Variants in STX18 observed in about 807,000 individuals in gnomAD.
The protein encoded by STX18 is syntaxin 18, also known as syntaxin-18.
In STX18, 40 loss-of-function variants were observed where a neutral mutation model predicts 50.1. That is an observed-to-expected ratio of 0.80 (90% CI 0.62 to 1.04). The LOEUF (loss-of-function observed/expected upper bound fraction) is 1.04. Among genes scored for constraint, STX18 ranks in the 50% least tolerant of loss-of-function variants. STX18 has a pLI of 0.00. For missense variants in STX18, 410 were observed against 415.8 expected, an observed-to-expected ratio of 0.99 and a Z score of 0.12; for synonymous variants, 158 against 151.8, an observed-to-expected ratio of 1.04 and a Z score of -0.30.
chr4:4,420,651 T>G lies in STX18; in HGVS notation c.912+213A>C. ...CACCCTGGATTGCTCCTTTGGAGGC[T>G]GGTGAGCCACTGCCTCTCGAAAGCA... On this transcript the variant is annotated intron_variant, in intron 10 of 10. Coordinates refer to ENST00000306200, the MANE Select transcript of STX18 (RefSeq NM_016930.4). This position sits in a 1 kb window ranked among gnomAD's most constrained non-coding sequence, Gnocchi z 4.3. 1.8e-6 allele frequency: 1 copy of G among 568,852 alleles called. No homozygotes were observed. Among genetic ancestry groups the G allele is most frequent in the Non-Finnish European group, 3.1e-6 (1 of 320,850 alleles). 35.2% of individuals were successfully genotyped at this position (568,852 alleles called of 1,614,324 possible).
intron 1 of STX18, among the ~76,000 whole-genome samples, chr4:4,509,851 C>T (rs888951175): frequency 1.7e-4 from 26 of 151,878 alleles, no homozygotes; most frequent in African/African-American, 6.3e-4. Flanking sequence ...TATCTCCAGG[C>T]AAATACTTAG....
chr4:4,517,432 A>G (rs1310277049), intron 1 of STX18, among the ~76,000 whole-genome samples: 1 of 152,256 alleles, frequency 6.6e-6, no homozygotes, highest in South Asian at 2.1e-4. Context: ...GTTTTCACAC[A>G]GAAGGAAAAG....
At chr4:4,491,414 G>C (rs968979146) in intron 1 of STX18, among the ~76,000 whole-genome samples, 1 of 152,022 alleles carries the variant, frequency 6.6e-6, no homozygotes, top group Non-Finnish European at 1.5e-5. Flanking sequence ...TACTAACGTA[G>C]GAAAAAGGAT....
At chr4:4,458,046 G>A (rs1727174861) in intron 3 of STX18, among the ~76,000 whole-genome samples, 2 of 152,182 alleles carry the variant, frequency 1.3e-5, no homozygotes, top group Non-Finnish European at 2.9e-5. Flanking sequence ...GGCCTTACCA[G>A]ACCTAAAGTC....
At position 4,511,756 on chromosome 4, in the gene STX18, GTGTGTA is replaced by G. The variant is rs1375101459; in HGVS notation, c.168+30035_168+30040del. Among the ~76,000 whole-genome samples, 714 of 132,654 alleles carry G rather than the reference GTGTGTA, an allele frequency of 5.4e-3. 6 individuals carry two copies. Among genetic ancestry groups the G allele is most frequent in the African/African-American group, 0.018 (559 of 31,200 alleles). 87.0% of individuals were successfully genotyped at this position (132,654 alleles called of 152,430 possible). The stretch of plus-strand genomic sequence containing the variant: ...TGTGTGTGTGTGTGTGTGTGTGTGT[GTGTGTA>G]TGCCCCTAGGTTAAGGTCCTCTTAA... On this transcript the variant is annotated intron_variant, in intron 1 of 10. Transcript: ENST00000306200.
chr4:4,462,331 C>T (rs1191454389), intron 2 of STX18, among the ~76,000 whole-genome samples: 3 of 152,176 alleles, frequency 2.0e-5, no homozygotes, highest in Non-Finnish European at 4.4e-5. Context: ...TCATACCCAC[C>T]TAATTTAATC....
rs941705297 is a variant in STX18, at chr4:4,457,485, T to C, written c.368A>G (p.His123Arg). The change falls in exon 4 of 11, where the codon CAT becomes CGT. Residue 123 changes from histidine (H) to arginine (R), a missense_variant. Physicochemically the swap from His to Arg is conservative, Grantham distance 29. Transcript: ENST00000306200. ...CCTGTGCTCCTTCACTTGCTGGGAA[T>C]GTATCTCCTTGTGAGCTGTAACAGA... ...QLRTEAHKEI[H>R]SQQVKEHRTA... is the part of the protein sequence containing the mutation. 6.2e-7 allele frequency: 1 copy of C among 1,614,024 alleles called. No homozygotes were observed. Among genetic ancestry groups the C allele is most frequent in the African/African-American group, 1.3e-5 (1 of 75,058 alleles).
In STX18 at chr4:4,541,979, T is replaced by C. The variant is rs1431709922; in HGVS notation, c.-15A>G. 1 of 1,592,394 alleles carries C rather than the reference T, an allele frequency of 6.3e-7. No individual in the cohort carries two copies. The highest frequency in any genetic ancestry group is 1.1e-5 in the South Asian group (1 of 88,066). On this transcript the variant is annotated 5_prime_UTR_variant, in exon 1 of 11. Transcript: ENST00000306200. ...TCCACCGCCATAGCGACCCGCACCCTCAGCCCCACACTAGGCCCGCCCACG... is the reference window on the plus strand; with the variant it reads ...TCCACCGCCATAGCGACCCGCACCCCCAGCCCCACACTAGGCCCGCCCACG...
chr4:4,535,869 T>C (rs1731307062), intron 1 of STX18, among the ~76,000 whole-genome samples: 1 of 152,182 alleles, frequency 6.6e-6, no homozygotes, highest in Admixed American at 6.5e-5. Flanking sequence ...CCCCTAACTA[T>C]GATTATACTC....
At chr4:4,463,448 G>T (rs572894950) in intron 2 of STX18, among the ~76,000 whole-genome samples, 32 of 152,298 alleles carry the variant, frequency 2.1e-4, no homozygotes, top group African/African-American at 7.2e-4. Context: ...GTTATTTGCT[G>T]ACCTGTAGCA....
intron 1 of STX18, among the ~76,000 whole-genome samples, chr4:4,491,675 C>G (rs1034334505): frequency 6.6e-6 from 1 of 152,086 alleles, no homozygotes; most frequent in Non-Finnish European, 1.5e-5. Context: ...TAAAAACAGT[C>G]TAACGGTTGT....
chr4:4,443,778 A>T (rs1259985744), intron 5 of STX18, among the ~76,000 whole-genome samples: 1 of 152,228 alleles, frequency 6.6e-6, no homozygotes, highest in Non-Finnish European at 1.5e-5. Context: ...ACAAAAAAAG[A>T]AAAAAGCCTA....
At chr4:4,531,324 T>C (rs1251689272) in intron 1 of STX18, among the ~76,000 whole-genome samples, 2 of 152,050 alleles carry the variant, frequency 1.3e-5, no homozygotes, top group Non-Finnish European at 2.9e-5. Context: ...AGGTACACAA[T>C]ACGTGTTTCT....
chr4:4,486,151 C>G (rs1728690319), intron 1 of STX18, among the ~76,000 whole-genome samples: 1 of 152,126 alleles, frequency 6.6e-6, no homozygotes, highest in African/African-American at 2.4e-5. Flanking sequence ...CTCAGAAATT[C>G]CAAGATAATT....
intron 2 of STX18, among the ~76,000 whole-genome samples, chr4:4,465,594 A>C (rs1354187219): frequency 6.6e-6 from 1 of 152,086 alleles, no homozygotes. Context: ...AACAATACAA[A>C]CTGGGGCCTG....
At chr4:4,483,254 TA>T (rs953617386) in intron 1 of STX18, among the ~76,000 whole-genome samples, 10 of 151,372 alleles carry the variant, frequency 6.6e-5, no homozygotes, top group African/African-American at 2.2e-4. Flanking sequence ...ACCCAGAAAT[TA>T]AAAAAAACAA....
intron 5 of STX18, among the ~76,000 whole-genome samples, chr4:4,454,521 GACC>G (rs1726961541): frequency 6.6e-6 from 1 of 152,162 alleles, no homozygotes; most frequent in African/African-American, 2.4e-5. Context: ...GAGACCCAGT[GACC>G]ACCACACCAT....
intron 2 of STX18, among the ~76,000 whole-genome samples, chr4:4,465,440 A>G (rs1198111728): frequency 2.0e-5 from 3 of 152,260 alleles, no homozygotes; most frequent in African/African-American, 7.2e-5. Context: ...AAGGAATGAG[A>G]TGATGTCCTT....
intron 1 of STX18, among the ~76,000 whole-genome samples, chr4:4,509,210 C>T (rs907322772): frequency 1.3e-5 from 2 of 152,186 alleles, no homozygotes; most frequent in Admixed American, 1.3e-4. Context: ...TGTCTGCAAC[C>T]TCACCAACAT....
Sources: allele counts gnomAD v4.1 joint callset (sites outside exome capture counted in the v4.1 genomes callset), GRCh38; gene constraint gnomAD v4.1.1; non-coding constraint Gnocchi (gnomAD v3.1); transcripts MANE v1.5; gene names NCBI Gene and HGNC (gene_info 2026-07-23, HGNC 2026-07-21).